The following NCAPG variants were observed in gnomAD, a reference collection of about 807,000 sequenced individuals.
The protein encoded by NCAPG is non-SMC condensin I complex subunit G.
In NCAPG, 69 loss-of-function variants were observed where a neutral mutation model predicts 113.1. The observed-to-expected ratio is 0.61, with a 90% CI of 0.50 to 0.75. The LOEUF is 0.75. Ranked by LOEUF, NCAPG falls within the 30% of genes least tolerant of loss-of-function variation. The pLI, the probability that NCAPG is intolerant of heterozygous loss-of-function variation, is 0.00. For missense variants in NCAPG, 1,058 were observed against 1,177.0 expected (o/e 0.90, Z 1.48); for synonymous variants, 370 against 415.8 (o/e 0.89, Z 1.34).
chr4:17,839,331 G>C (rs1722233639), intron 16 of NCAPG, among the ~76,000 whole-genome samples: 1 of 152,150 alleles, frequency 6.6e-6, no homozygotes, highest in Non-Finnish European at 1.5e-5. Context: ...CAAATCTTTG[G>C]GAGAAGAGGT....
At position 17,843,760 on chromosome 4, in the gene NCAPG, T is replaced by C. The variant is rs1722656680; in HGVS notation, c.*335T>C. 6.1e-6 allele frequency: 1 copy of C among 163,508 alleles called. No individual in the cohort carries two copies. Among genetic ancestry groups the C allele is most frequent in the South Asian group, 1.7e-4 (1 of 5,858 alleles). The allele number at this position is 163,508 out of a possible 1,614,324, so 10.1% of individuals were successfully genotyped here. A position where few individuals can be genotyped will look rare whatever the true frequency, so the allele number is the denominator to read the frequency against. ...AAAACTTACAAGTGTAACTAGCTAG[T>C]AGCTTGCATTTGAGAAGCTTATGAC... On this transcript the variant is annotated 3_prime_UTR_variant, in exon 21 of 21. Coordinates refer to ENST00000251496, the MANE Select transcript of NCAPG (RefSeq NM_022346.5).
At chr4:17,819,311 G>A (rs888225052) in intron 7 of NCAPG, among the ~76,000 whole-genome samples, 1 of 151,760 alleles carries the variant, frequency 6.6e-6, no homozygotes, top group Non-Finnish European at 1.5e-5. Context: ...ATTTTTGGGG[G>A]TTAATTCCAA....
Position 17,837,343 on chromosome 4 carries a change from A to G in NCAPG, c.2291+3A>G. ...CCCGTGTTTGCTTATGCAAGCAGGT[A>G]TTGAGTCATACTGATAAATCAAAAA... On this transcript the variant is annotated splice_donor_region_variant and intron_variant, in intron 15 of 20. Transcript: ENST00000251496. The G allele has an allele frequency of 6.2e-6, 10 of 1,610,252 alleles. No homozygotes were observed. The highest frequency in any genetic ancestry group is 7.6e-6 in the Non-Finnish European group (9 of 1,178,096).
rs868301945 is a variant in NCAPG, at chr4:17,839,289, T to C, written c.2467-387T>C. Among the ~76,000 whole-genome samples the C allele has an allele frequency of 3.5e-4, 53 of 152,318 alleles. No individual in the cohort carries two copies. The Middle Eastern group carries it at 0.017, about 49-fold the overall frequency. ...AGAATGGAGACAAGCTGAAACACTG[T>C]ACTTGTGCACGGGCCAGTCATTGGA... On this transcript the variant is annotated intron_variant, in intron 16 of 20. Transcript: ENST00000251496.
intron 14 of NCAPG, among the ~76,000 whole-genome samples, chr4:17,835,222 T>C (rs1342466653): frequency 5.3e-5 from 8 of 152,182 alleles, no homozygotes. Context: ...AATTTTATTT[T>C]TTTGAGATAG....
rs368762683 is a variant in NCAPG at position 17,837,320 on chromosome 4, C to T, written c.2271C>T (p.Pro757=). 2.1e-5 allele frequency: 34 copies of T among 1,612,934 alleles called. No individual in the cohort carries two copies. Among genetic ancestry groups the T allele is most frequent in the Non-Finnish European group, 2.7e-5 (32 of 1,179,608 alleles). The change falls in exon 15 of 21, where the codon CCC becomes CCT. Residue 757 remains proline, a synonymous_variant. Transcript: ENST00000251496. ...QLRHCLGVFF[P]VFAYASRTNQ... ...GACATTGCCTAGGCGTGTTCTTCCC[C>T]GTGTTTGCTTATGCAAGCAGGTATT... is the stretch of plus-strand genomic sequence containing the variant.
chr4:17,831,982 C>T (rs560335466), intron 13 of NCAPG, among the ~76,000 whole-genome samples: 1 of 152,064 alleles, frequency 6.6e-6, no homozygotes, highest in East Asian at 1.9e-4. Flanking sequence ...TTTTGTGGGC[C>T]ATATGATCTG....
chr4:17,839,789 T>C lies in NCAPG; in HGVS notation c.2580T>C (p.Ser860=), dbSNP rs150006629. Residue 860 remains serine (S), a synonymous_variant, in exon 17 of 21, where the codon AGT becomes AGC. Coordinates refer to ENST00000251496, the MANE Select transcript of NCAPG (RefSeq NM_022346.5). The part of the protein sequence containing the change: ...YTKALSSLEL[S]SHLAKDLLVL... The stretch of plus-strand genomic sequence containing the variant: ...AAGCCTTGAGTTCTTTAGAACTCAG[T>C]AGCCATCTTGCAAAAGATCTTCTGG... 2.3e-4 allele frequency: 372 copies of C among 1,588,056 alleles called. 1 individual carries two copies. Among genetic ancestry groups the C allele is most frequent in the Middle Eastern group, 8.4e-4 (5 of 5,922 alleles).
At chr4:17,815,810 C>T (rs1721181994) in intron 5 of NCAPG, among the ~76,000 whole-genome samples, 4 of 152,170 alleles carry the variant, frequency 2.6e-5, no homozygotes, top group Admixed American at 2.6e-4. Context: ...AGGTGTGAGC[C>T]ACCGCGTCTG....
chr4:17,831,554 GGAACT>G (rs1270146897), intron 13 of NCAPG, among the ~76,000 whole-genome samples: 1 of 151,894 alleles, frequency 6.6e-6, no homozygotes, highest in African/African-American at 2.4e-5. Flanking sequence ...AGGAGGAGAG[GGAACT>G]GTTTGGTTGA....
At chr4:17,835,939 G>A (rs912764008) in intron 14 of NCAPG, among the ~76,000 whole-genome samples, 1 of 152,158 alleles carries the variant, frequency 6.6e-6, no homozygotes, top group Non-Finnish European at 1.5e-5. Context: ...AACATGGCAT[G>A]TATATGTATT....
intron 17 of NCAPG, 80 bp downstream of exon 17, chr4:17,839,917 T>C: frequency 1.4e-6 from 2 of 1,460,990 alleles, no homozygotes; most frequent in Middle Eastern, 1.9e-4. Context: ...TATTAGATTA[T>C]ACATATGTTA....
At chr4:17,818,156 TC>T (rs1234178477) in intron 7 of NCAPG, 68 bp downstream of exon 7, 3 of 1,470,086 alleles carry the variant, frequency 2.0e-6, no homozygotes, top group Non-Finnish European at 2.7e-6. Flanking sequence ...CCAGTCCCCT[TC>T]CTCAAAGTCA....
chr4:17,828,429 T>G lies in NCAPG; in HGVS notation c.1764+41T>G, dbSNP rs145166510. Reference sequence around the variant, plus strand: ...CTTGGGCTTTATTTTAGTCCACTCCTTTCTTATTTTGTAAGTGATATGTTC... The same window carrying G: ...CTTGGGCTTTATTTTAGTCCACTCCGTTCTTATTTTGTAAGTGATATGTTC... On this transcript the variant is annotated intron_variant, in intron 12 of 20. Coordinates refer to ENST00000251496, the MANE Select transcript of NCAPG (RefSeq NM_022346.5). 1,654 of 1,147,458 alleles carry G rather than the reference T, an allele frequency of 1.4e-3. 26 individuals are homozygous for G. In the African/African-American group the frequency reaches 0.024, roughly 16 times the overall value. The allele number at this position is 1,147,458 out of a possible 1,614,324, so 71.1% of individuals were successfully genotyped here. A position where few individuals can be genotyped will look rare whatever the true frequency, so the allele number is the denominator to read the frequency against.
chr4:17,819,439 G>A (rs1721355132), intron 7 of NCAPG, among the ~76,000 whole-genome samples: 1 of 148,836 alleles, frequency 6.7e-6, no homozygotes, highest in Non-Finnish European at 1.5e-5. Context: ...GTCTTGCTCT[G>A]TCGCCAGGCT....
At chr4:17,836,479 CT>C (rs1722100156) in intron 14 of NCAPG, among the ~76,000 whole-genome samples, 1 of 151,958 alleles carries the variant, frequency 6.6e-6, no homozygotes, top group Admixed American at 6.6e-5. Context: ...GTTGCTTCTG[CT>C]TTTGGTGTCC....
intron 7 of NCAPG, among the ~76,000 whole-genome samples, chr4:17,821,516 T>G (rs1015890425): frequency 4.2e-5 from 6 of 144,146 alleles, no homozygotes; most frequent in Non-Finnish European, 7.5e-5. Flanking sequence ...CAGGCTGGAG[T>G]GCAGTAGCGT....
chr4:17,818,093 A>AT lies in NCAPG; in HGVS notation c.1118+13dup, dbSNP rs748183293. ...ATATGCAGACTATTTATTGAGGTAA[A>AT]TTTTTTTTCTTTTAGTTTGGAGAGT... On this transcript the variant is annotated splice_donor_region_variant and intron_variant, in intron 7 of 20. Transcript: ENST00000251496. 15 of 1,589,996 alleles carry AT rather than the reference A, an allele frequency of 9.4e-6. No individual in the cohort carries two copies. In the East Asian group the frequency reaches 1.4e-4, roughly 14 times the overall value.
chr4:17,821,033 T>G (rs773115443), intron 7 of NCAPG, among the ~76,000 whole-genome samples: 22 of 152,188 alleles, frequency 1.4e-4, no homozygotes, highest in Non-Finnish European at 2.6e-4. Flanking sequence ...GATTTCATGG[T>G]AACTAAAATT....
Sources: allele counts gnomAD v4.1 joint callset (sites outside exome capture counted in the v4.1 genomes callset), GRCh38; gene constraint gnomAD v4.1.1; transcripts MANE v1.5; gene names NCBI Gene and HGNC (gene_info 2026-07-23, HGNC 2026-07-21).